PI4KB: variants seen among roughly 807,000 people sequenced by gnomAD.
PI4KB encodes PtdIns 4-kinase beta.
Under a neutral mutation model 81.4 loss-of-function variants are expected in PI4KB, and 23 were observed. The observed-to-expected ratio is 0.28, with a 90% confidence interval of 0.20 to 0.40. PI4KB has a LOEUF of 0.40. PI4KB is among the 10% of genes least tolerant of loss of function. The pLI, the probability that PI4KB is intolerant of heterozygous loss-of-function variation, is 1.00. For synonymous variants in PI4KB, 381 were observed against 406.8 expected (o/e 0.94, Z 0.76); for missense variants, 651 against 1,036.6 (o/e 0.63, Z 5.11).
At chr1:151,294,919 G>A (rs1694662674) in intron 9 of PI4KB, among the ~76,000 whole-genome samples, 1 of 152,196 alleles carries the variant, frequency 6.6e-6, no homozygotes, top group African/African-American at 2.4e-5. Flanking sequence ...GAGGCCAAGC[G>A]CTCTACTCAG....
At chr1:151,323,828 T>C (rs1649214706) in intron 1 of PI4KB, among the ~76,000 whole-genome samples, 1 of 152,134 alleles carries the variant, frequency 6.6e-6, no homozygotes, top group African/African-American at 2.4e-5. Context: ...AACACTGAGA[T>C]AATTAAGGAG....
rs1197933832 is a variant in PI4KB, at chr1:151,303,566, C to G, written c.1495G>C (p.Val499Leu). 3.1e-6 allele frequency: 5 copies of G among 1,612,444 alleles called. No individual in the cohort carries two copies. The highest frequency in any genetic ancestry group is 2.7e-5 in the African/African-American group (2 of 74,876). ...SITSQESKEP[V>L]FIAAGDIRRR... ...CGGATGTCCCCTGCTGCAATGAACACAGGCTCCTTGCTCTCCTGGCTGGTG... is the reference window on the plus strand; with the variant it reads ...CGGATGTCCCCTGCTGCAATGAACAGAGGCTCCTTGCTCTCCTGGCTGGTG... The change falls in exon 6 of 12, where the codon GTG becomes CTG. Residue 499 changes from valine (V) to leucine (L), a missense_variant. By Grantham distance (32) the Val-to-Leu change is conservative. Transcript: ENST00000368873.
chr1:151,294,480 T>C lies in PI4KB; in HGVS notation c.2077A>G (p.Ile693Val). The C allele has an allele frequency of 1.2e-6, 2 of 1,613,980 alleles. No homozygotes were observed. Among genetic ancestry groups the C allele is most frequent in the Non-Finnish European group, 1.7e-6 (2 of 1,179,984 alleles). Residue 693 changes from isoleucine to valine, a missense_variant, in exon 10 of 12, where the codon ATC (isoleucine) becomes GTC (valine). Transcript: ENST00000368873. ...GHIIHIDFGF[I>V]LSSSPRNLGF... ...AGATTTCGGGGTGAGCTGGAGAGGA[T>C]GAAGCCAAAGTCGATGTGGATGATG...
chr1:151,327,638 T>C (rs935258680), upstream of PI4KB: 5 of 368,128 alleles, frequency 1.4e-5, no homozygotes, highest in Admixed American at 4.6e-5. Context: ...GTCAGGACCC[T>C]ACCGATTCCA....
rs965459912 is a variant in PI4KB, at chr1:151,292,863, C to T, written c.2440G>A (p.Gly814Ser). ...GGCTGAGGAGCGTGTCACATGATGC[C>T]GTTGGTGAGGTACTGGAAGCCGTCA... Reference protein sequence around the residue: ...LYDGFQYLTNGIM With the variant: ...LYDGFQYLTNSIM Residue 814 changes from glycine (G) to serine (S), a missense_variant, in exon 12 of 12, where the codon GGC becomes AGC. Coordinates refer to ENST00000368873, the MANE Select transcript of PI4KB (RefSeq NM_001369623.2). 1 of 1,613,850 alleles carries T rather than the reference C, an allele frequency of 6.2e-7. No homozygotes were observed.
intron 2 of PI4KB, 71 bp from the exon 3 acceptor site, chr1:151,310,326 A>C: frequency 1.0e-6 from 1 of 998,326 alleles, no homozygotes; most frequent in Non-Finnish European, 1.5e-6. Flanking sequence ...AAAGGTAAAG[A>C]ATTTAGCTCC....
intron 6 of PI4KB, among the ~76,000 whole-genome samples, chr1:151,302,995 GTTTTTTTTTTTT>G (rs775167343): frequency 1.9e-5 from 2 of 107,136 alleles, no homozygotes; most frequent in East Asian, 2.7e-4. Context: ...GTGCTTTCTT[GTTTTTTTTTTTT>G]TTTTTTTTTG....
At chr1:151,305,591 G>A (rs1695691071) in intron 5 of PI4KB, among the ~76,000 whole-genome samples, 1 of 152,154 alleles carries the variant, frequency 6.6e-6, no homozygotes, top group Non-Finnish European at 1.5e-5. Flanking sequence ...GAAATCTCTT[G>A]TGATGCCCGC....
chr1:151,313,920 C>G (rs1436299542), intron 2 of PI4KB, among the ~76,000 whole-genome samples: 1 of 152,216 alleles, frequency 6.6e-6, no homozygotes, highest in African/African-American at 2.4e-5. Context: ...GTTGAGGGAC[C>G]TTGGGCAAAA....
rs907182557 is a variant in PI4KB at position 151,306,416 on chromosome 1, A to G, written c.1183-53T>C. 5 of 1,137,612 alleles carry G rather than the reference A, an allele frequency of 4.4e-6. No individual in the cohort carries two copies. The African/African-American group carries it at 7.6e-5, about 17-fold the overall frequency. 70.5% of individuals were successfully genotyped at this position (1,137,612 alleles called of 1,614,324 possible). Reference sequence around the variant, plus strand: ...AACTTACTTCCACCACTAACCCCCAAATCTCAACTCTGTTAGCAAGGTTCT... The same window carrying G: ...AACTTACTTCCACCACTAACCCCCAGATCTCAACTCTGTTAGCAAGGTTCT... On this transcript the variant is annotated intron_variant, in intron 4 of 11. Coordinates refer to ENST00000368873, the MANE Select transcript of PI4KB (RefSeq NM_001369623.2).
chr1:151,296,464 T>C (rs2101911112), intron 9 of PI4KB, among the ~76,000 whole-genome samples: 1 of 151,346 alleles, frequency 6.6e-6, no homozygotes, highest in African/African-American at 2.4e-5. Flanking sequence ...ACTTAATAGA[T>C]GCTAGATTTC....
At chr1:151,306,519 A>G in intron 4 of PI4KB, 156 bp from the exon 5 acceptor site, 1 of 612,068 alleles carries the variant, frequency 1.6e-6, no homozygotes, top group East Asian at 2.8e-5. Flanking sequence ...TAGGGCAGAT[A>G]CTTGTCCTAT....
chr1:151,319,357 G>A (rs543998042), intron 1 of PI4KB, among the ~76,000 whole-genome samples: 1 of 152,230 alleles, frequency 6.6e-6, no homozygotes, highest in African/African-American at 2.4e-5. Context: ...ACCAGTGTGT[G>A]TGTAACATAA....
chr1:151,304,251 A>AT (rs1438738790), intron 5 of PI4KB, among the ~76,000 whole-genome samples: 1 of 151,238 alleles, frequency 6.6e-6, no homozygotes, highest in Admixed American at 6.6e-5. Context: ...GTATATCTAA[A>AT]TTTTTTTTTC....
At chr1:151,321,078 C>G (rs1648779868) in intron 1 of PI4KB, among the ~76,000 whole-genome samples, 2 of 152,162 alleles carry the variant, frequency 1.3e-5, no homozygotes, top group South Asian at 4.1e-4. Flanking sequence ...AAGAAAAACT[C>G]CCAGGGCTCA....
intron 11 of PI4KB, chr1:151,293,440 T>A: frequency 8.0e-7 from 1 of 1,244,448 alleles, no homozygotes; most frequent in Non-Finnish European, 1.0e-6. Flanking sequence ...CAGATGGGGA[T>A]GATCCTGAGC....
At chr1:151,310,188 C>T (rs376662262) in intron 3 of PI4KB, 23 bp downstream of exon 3, 42 of 1,586,486 alleles carry the variant, frequency 2.6e-5, no homozygotes, top group African/African-American at 5.4e-5. Flanking sequence ...CCTGCCACCC[C>T]GTCCCAGCCT....
Position 151,303,620 on chromosome 1 carries a change from T to C in PI4KB, c.1441A>G (p.Asn481Asp). ...LPEVHTNSCD[N>D]ISQFSVDSIT... is the part of the protein sequence containing the mutation. ...CTGTCCACAGAGAACTGGGAGATGT[T>C]GTCACAGCTGTTGGTATGCACTTCG... The change falls in exon 6 of 12, where the codon AAC becomes GAC. Residue 481 changes from asparagine to aspartate, a missense_variant. Coordinates refer to ENST00000368873, the MANE Select transcript of PI4KB (RefSeq NM_001369623.2). 3 of 1,613,938 alleles carry C rather than the reference T, an allele frequency of 1.9e-6. No individual in the cohort carries two copies. Among genetic ancestry groups the C allele is most frequent in the Non-Finnish European group, 2.5e-6 (3 of 1,179,840 alleles).
intron 1 of PI4KB, among the ~76,000 whole-genome samples, chr1:151,321,487 C>A (rs913102997): frequency 6.6e-6 from 1 of 151,954 alleles, no homozygotes; most frequent in African/African-American, 2.4e-5. Context: ...CAGGTTCAAG[C>A]GATTCTCCTG....
Sources: allele counts gnomAD v4.1 joint callset (sites outside exome capture counted in the v4.1 genomes callset), GRCh38; gene constraint gnomAD v4.1.1; transcripts MANE v1.5; gene names NCBI Gene and HGNC (gene_info 2026-07-23, HGNC 2026-07-21).